The following LFNG variants were observed in gnomAD, a reference collection of about 807,000 sequenced individuals.
LFNG encodes the protein LFNG O-fucosylpeptide 3-beta-N-acetylglucosaminyltransferase.
In LFNG, 15 loss-of-function variants were observed where a neutral mutation model predicts 32.7. The ratio of observed to expected loss-of-function variants is 0.46; its 90% CI spans 0.31 to 0.71. LFNG has a LOEUF of 0.71. Ranked by LOEUF, LFNG falls within the 30% of genes least tolerant of loss-of-function variation. The pLI, the probability that LFNG is intolerant of heterozygous loss-of-function variation, is 0.06. For synonymous variants in LFNG, 274 were observed against 246.8 expected (o/e 1.11, Z -1.03); for missense variants, 520 against 545.7 (o/e 0.95, Z 0.47).
chr7:2,528,173 G>C lies in LFNG; in HGVS notation c.*961G>C, dbSNP rs1780052949. 1 of 985,460 alleles carries C rather than the reference G, an allele frequency of 1.0e-6. No individual in the cohort carries two copies. Among genetic ancestry groups the C allele is most frequent in the South Asian group, 4.7e-5 (1 of 21,274 alleles). 61.0% of individuals were successfully genotyped at this position (985,460 alleles called of 1,614,324 possible). ...CATCTTTGTTTTTAAAGCTGAAGTG[G>C]GACTGTCTGGCACTCTGTGTATTTA... On this transcript the variant is annotated 3_prime_UTR_variant, in exon 8 of 8. Transcript: ENST00000222725.
At chr7:2,522,101 G>C (rs1037995365) in intron 1 of LFNG, among the ~76,000 whole-genome samples, 1 of 152,196 alleles carries the variant, frequency 6.6e-6, no homozygotes, top group Non-Finnish European at 1.5e-5. Flanking sequence ...CTCAGACATG[G>C]TCTGATGGGG....
At position 2,526,459 on chromosome 7, in the gene LFNG, C is replaced by T. The variant is rs754785869; in HGVS notation, c.987+50C>T. 1.2e-5 allele frequency: 19 copies of T among 1,592,094 alleles called. No homozygotes were observed. The highest frequency in any genetic ancestry group is 3.3e-5 in the South Asian group (3 of 90,862). On this transcript the variant is annotated intron_variant, in intron 6 of 7. Transcript: ENST00000222725. This position sits in a 1 kb window ranked among gnomAD's most constrained non-coding sequence, Gnocchi z 6.9. ...AGGACTCCGAGAGCACAGGAAGGGA[C>T]GTGTGGCTGCCGAGAGGGGCGCAGT...
At chr7:2,515,546 T>C (rs1235012528), upstream of LFNG, among the ~76,000 whole-genome samples, 5 of 152,198 alleles carry the variant, frequency 3.3e-5, no homozygotes, top group Non-Finnish European at 5.9e-5. Flanking sequence ...TGAGGCCAAG[T>C]CGGCTGAACT....
chr7:2,519,749 G>C (rs1779727898), upstream of LFNG: 1 of 581,004 alleles, frequency 1.7e-6, no homozygotes, highest in Non-Finnish European at 2.2e-6. Context: ...GGAGGTTTAA[G>C]AGCGCGGGAC....
Position 2,524,737 on chromosome 7 carries a change from C to T in LFNG, c.475C>T (p.His159Tyr). 1 of 1,588,920 alleles carries T rather than the reference C, an allele frequency of 6.3e-7. No individual in the cohort carries two copies. The highest frequency in any genetic ancestry group is 8.6e-7 in the Non-Finnish European group (1 of 1,167,786). The change falls in exon 2 of 8, where the codon CAC becomes TAC. Residue 159 changes from histidine to tyrosine, a missense_variant. Coordinates refer to ENST00000222725, the MANE Select transcript of LFNG (RefSeq NM_001040167.2). ...TDGEDEALAR[H>Y]TGNVVITNCS... ...CGGGGAAGATGAGGCCCTGGCCAGGCACACGGGTGAGCCCTGGACTTGGGG... is the reference window on the plus strand; with the variant it reads ...CGGGGAAGATGAGGCCCTGGCCAGGTACACGGGTGAGCCCTGGACTTGGGG...
At chr7:2,513,232 G>A, upstream of LFNG, 7 of 1,606,674 alleles carry the variant, frequency 4.4e-6, no homozygotes, top group Non-Finnish European at 5.9e-6. Context: ...TGGAAGGATG[G>A]ACGGACAGAT....
chr7:2,528,940 G>T, downstream of LFNG: 1 of 508,590 alleles, frequency 2.0e-6, no homozygotes, highest in Non-Finnish European at 3.6e-6. Context: ...GGGCTGGGGA[G>T]GCGCTCAGAC....
At chr7:2,519,617 G>A (rs900034566), upstream of LFNG, among the ~76,000 whole-genome samples, 3 of 149,978 alleles carry the variant, frequency 2.0e-5, no homozygotes, top group African/African-American at 7.3e-5. Flanking sequence ...TGCGCCCTCT[G>A]GGCAGTTCCC....
chr7:2,527,340 G>T lies in LFNG; in HGVS notation c.*128G>T, dbSNP rs895829027. The T allele has an allele frequency of 2.7e-6, 4 of 1,466,166 alleles. No individual in the cohort carries two copies. Among genetic ancestry groups the T allele is most frequent in the Non-Finnish European group, 2.7e-6 (3 of 1,092,336 alleles). 90.8% of individuals were successfully genotyped at this position (1,466,166 alleles called of 1,614,324 possible). ...CGTGCCTGTGCGTGTGCGTGTGCGT[G>T]TGTGTGTGTGTGTACTGCATGCCCA... On this transcript the variant is annotated 3_prime_UTR_variant, in exon 8 of 8. Coordinates refer to ENST00000222725, the MANE Select transcript of LFNG (RefSeq NM_001040167.2). This position sits in a 1 kb window ranked among gnomAD's most constrained non-coding sequence, Gnocchi z 4.4.
intron 1 of LFNG, among the ~76,000 whole-genome samples, chr7:2,522,888 G>A (rs568761287): frequency 6.6e-6 from 1 of 152,232 alleles, no homozygotes; most frequent in South Asian, 2.1e-4. Flanking sequence ...CTGAAGACGA[G>A]ACTGAGGCTC....
Position 2,519,855 on chromosome 7 carries a change from C to A in LFNG, c.-7C>A. 9.2e-7 allele frequency: 1 copy of A among 1,088,498 alleles called. No individual in the cohort carries two copies. Among genetic ancestry groups the A allele is most frequent in the Middle Eastern group, 4.1e-4 (1 of 2,438 alleles). 67.4% of individuals were successfully genotyped at this position (1,088,498 alleles called of 1,614,324 possible). ...GGAAGGGCGCGCCGCGCGGCCGCCA[C>A]CCCACCATGCTCAAGCGCTGCGGCC... On this transcript the variant is annotated 5_prime_UTR_variant, in exon 1 of 8. Coordinates refer to ENST00000222725, the MANE Select transcript of LFNG (RefSeq NM_001040167.2).
Position 2,527,218 on chromosome 7 carries a change from A to G in LFNG, c.*6A>G, listed in dbSNP as rs759059115. On this transcript the variant is annotated 3_prime_UTR_variant, in exon 8 of 8. Coordinates refer to ENST00000222725, the MANE Select transcript of LFNG (RefSeq NM_001040167.2). This position sits in a 1 kb window ranked among gnomAD's most constrained non-coding sequence, Gnocchi z 4.4. The stretch of plus-strand genomic sequence containing the variant: ...CCCGCACTGCCATCTTCTAGTGGCC[A>G]TGGCTGAGACCCAATCCCTGGGCGC... 2.5e-6 allele frequency: 4 copies of G among 1,612,282 alleles called. No individual in the cohort carries two copies. The highest frequency in any genetic ancestry group is 3.4e-6 in the Non-Finnish European group (4 of 1,179,934).
chr7:2,518,482 G>A (rs369719458), upstream of LFNG: 8 of 865,938 alleles, frequency 9.2e-6, no homozygotes, highest in African/African-American at 1.2e-4. Flanking sequence ...GGGTCTGACA[G>A]TGGGGCCAGA....
upstream of LFNG, among the ~76,000 whole-genome samples, chr7:2,517,131 G>C (rs895032983): frequency 1.3e-5 from 2 of 152,212 alleles, no homozygotes; most frequent in African/African-American, 2.4e-5. Context: ...GAGACCTGGG[G>C]TCTGGATGGG....
upstream of LFNG, chr7:2,518,571 C>A: frequency 6.4e-7 from 1 of 1,552,882 alleles, no homozygotes; most frequent in Non-Finnish European, 8.9e-7. Flanking sequence ...CAGGTCGCTG[C>A]TGTCTTGCGG....
chr7:2,527,173 C>T lies in LFNG; in HGVS notation c.1101C>T (p.Tyr367=), dbSNP rs754919682. ...TCCGCTCCATCCACTGCCACCTGTA[C>T]CCGGACACACCCTGGTGTCCCCGCA... The part of the protein sequence containing the change: ...SRFRSIHCHL[Y]PDTPWCPRTA... Residue 367 remains tyrosine, a synonymous_variant, in exon 8 of 8, where the codon TAC becomes TAT. Coordinates refer to ENST00000222725, the MANE Select transcript of LFNG (RefSeq NM_001040167.2). This position sits in a 1 kb window ranked among gnomAD's most constrained non-coding sequence, Gnocchi z 4.4. 2.6e-5 allele frequency: 42 copies of T among 1,612,848 alleles called. No homozygotes were observed. Among genetic ancestry groups the T allele is most frequent in the Non-Finnish European group, 3.3e-5 (39 of 1,179,970 alleles).
chr7:2,518,738 C>T (rs951372912), upstream of LFNG: 32 of 1,198,584 alleles, frequency 2.7e-5, no homozygotes, highest in Admixed American at 2.8e-5. Context: ...TAGGAGGGCA[C>T]GGGAAGACAG....
At chr7:2,518,506 A>T, upstream of LFNG, 1 of 946,274 alleles carries the variant, frequency 1.1e-6, no homozygotes, top group Non-Finnish European at 1.8e-6. Flanking sequence ...TTATCCAGTG[A>T]ATTTTTTCAG....
At chr7:2,517,181 G>C (rs572895565), upstream of LFNG, among the ~76,000 whole-genome samples, 1 of 152,306 alleles carries the variant, frequency 6.6e-6, no homozygotes, top group South Asian at 2.1e-4. Flanking sequence ...CTGGGGAAGC[G>C]GGCGGGGGTG....
Sources: gnomAD v4.1 joint callset for allele counts (sites outside exome capture counted in the v4.1 genomes callset) on GRCh38, gnomAD v4.1.1 for gene constraint, Gnocchi (gnomAD v3.1) non-coding constraint, MANE v1.5 for transcripts, NCBI Gene and HGNC (gene_info 2026-07-23, HGNC 2026-07-21) for gene names.